IKBKB-DT: variants seen among roughly 807,000 people sequenced by gnomAD.
IKBKB-DT encodes IKBKB antisense RNA.
At chr8:42,247,870 G>A (rs1807081573) in intron 3 of IKBKB-DT, among the ~76,000 whole-genome samples, 1 of 152,070 alleles carries the variant, frequency 6.6e-6, no homozygotes, top group Non-Finnish European at 1.5e-5. Flanking sequence ...TAAGGCGGGT[G>A]GATCACAAGG....
chr8:42,236,325 A>G (rs1806921326), intron 3 of IKBKB-DT, among the ~76,000 whole-genome samples: 1 of 152,084 alleles, frequency 6.6e-6, no homozygotes, highest in East Asian at 1.9e-4. Flanking sequence ...CATGCTTCCT[A>G]TGTAATTTAA....
chr8:42,234,616 A>G (rs1017083760), intron 3 of IKBKB-DT, among the ~76,000 whole-genome samples: 1 of 151,954 alleles, frequency 6.6e-6, no homozygotes, highest in Non-Finnish European at 1.5e-5. Context: ...TACTTTATTT[A>G]TTTTATTTTA....
intron 3 of IKBKB-DT, among the ~76,000 whole-genome samples, chr8:42,256,164 C>T (rs188493044): frequency 3.9e-5 from 6 of 151,932 alleles, no homozygotes; most frequent in East Asian, 1.9e-4. Context: ...ATTCTGTTTA[C>T]GAAGGTATAA....
intron 3 of IKBKB-DT, among the ~76,000 whole-genome samples, chr8:42,240,353 A>C (rs2129904157): frequency 1.3e-5 from 2 of 152,056 alleles, no homozygotes; most frequent in South Asian, 4.1e-4. Flanking sequence ...GGCCAGGCAC[A>C]GTGGCTCACA....
At chr8:42,253,499 G>GT (rs1807155753) in intron 3 of IKBKB-DT, among the ~76,000 whole-genome samples, 1 of 152,146 alleles carries the variant, frequency 6.6e-6, no homozygotes, top group Non-Finnish European at 1.5e-5. Flanking sequence ...AGTCAGAAGG[G>GT]TTGGAAAAAA....
At chr8:42,237,447 G>C (rs1806939479) in intron 3 of IKBKB-DT, among the ~76,000 whole-genome samples, 1 of 152,142 alleles carries the variant, frequency 6.6e-6, no homozygotes, top group Admixed American at 6.5e-5. Flanking sequence ...AACTCTGAAA[G>C]GGAGGGGTAT....
At chr8:42,252,034 G>A (rs200282733) in intron 3 of IKBKB-DT, among the ~76,000 whole-genome samples, 2 of 152,136 alleles carry the variant, frequency 1.3e-5, no homozygotes, top group African/African-American at 2.4e-5. Context: ...GTGAATGCTG[G>A]CTGCTGCGCC....
intron 3 of IKBKB-DT, among the ~76,000 whole-genome samples, chr8:42,236,809 A>G (rs1220972804): frequency 6.6e-6 from 1 of 152,220 alleles, no homozygotes; most frequent in African/African-American, 2.4e-5. Flanking sequence ...TTATCCATAT[A>G]ACCAAAGTGA....
chr8:42,260,238 C>T lies in IKBKB-DT; in HGVS notation n.1529+3091G>A, dbSNP rs116763065. On this transcript the variant is annotated intron_variant and non_coding_transcript_variant, in intron 3 of 3. Coordinates refer to ENST00000518213, the Ensembl canonical transcript of IKBKB-DT. Reference sequence around the variant, plus strand: ...GGGGCTTCAGGAAGGGAGTTTCAAGCGATGGAGACATTCCCATAGGAGCTG... The same window carrying T: ...GGGGCTTCAGGAAGGGAGTTTCAAGTGATGGAGACATTCCCATAGGAGCTG... 4.9e-3 allele frequency among the ~76,000 whole-genome samples: 749 copies of T among 152,180 alleles called. 12 individuals are homozygous for T. Among genetic ancestry groups the T allele is most frequent in the African/African-American group, 0.017 (695 of 41,510 alleles).
chr8:42,257,788 G>C (rs961053783), intron 3 of IKBKB-DT, among the ~76,000 whole-genome samples: 2 of 151,798 alleles, frequency 1.3e-5, no homozygotes, highest in African/African-American at 4.8e-5. Flanking sequence ...AATTTTCAAA[G>C]GACAATTTTT....
At chr8:42,261,904 T>G (rs1371889768) in intron 3 of IKBKB-DT, among the ~76,000 whole-genome samples, 1 of 152,266 alleles carries the variant, frequency 6.6e-6, no homozygotes, top group Non-Finnish European at 1.5e-5. Flanking sequence ...GTCCCCGACC[T>G]GGCAGTTGGT....
intron 3 of IKBKB-DT, among the ~76,000 whole-genome samples, chr8:42,239,614 T>TTATATATATATATATATATA (rs113469700): frequency 0.017 from 331 of 19,854 alleles, 44 homozygotes; most frequent in East Asian, 0.1. Context: ...AAAAGGCAAT[T>TTATATATATATATATATATA]TATATATATA....
chr8:42,241,935 C>T (rs1371215287), intron 3 of IKBKB-DT, among the ~76,000 whole-genome samples: 1 of 152,168 alleles, frequency 6.6e-6, no homozygotes, highest in East Asian at 1.9e-4. Flanking sequence ...AGCAGATGGC[C>T]TGGCGTGGTG....
rs549027136 is a variant in IKBKB-DT, at chr8:42,269,404, G to C, written n.603+1247C>G. Among the ~76,000 whole-genome samples, 3 of 132,016 alleles carry C rather than the reference G, an allele frequency of 2.3e-5. No individual in the cohort carries two copies. The East Asian group carries it at 7.3e-4, about 32-fold the overall frequency. The allele number at this position is 132,016 out of a possible 152,430, so 86.6% of individuals were successfully genotyped here. ...GAAGAAAGAAAGGAAAGAAAAAAAA[G>C]AAAGCTAGCAGCTGGGAAGGGAAGG... On this transcript the variant is annotated intron_variant and non_coding_transcript_variant, in intron 1 of 3. Transcript: ENST00000518213.
At chr8:42,267,336 C>T (rs915423751) in intron 1 of IKBKB-DT, among the ~76,000 whole-genome samples, 6 of 152,104 alleles carry the variant, frequency 3.9e-5, no homozygotes, top group Non-Finnish European at 5.9e-5. Context: ...TTTACTGACT[C>T]GCCCTGAATT....
chr8:42,235,038 A>G (rs369129037), intron 3 of IKBKB-DT, among the ~76,000 whole-genome samples: 3 of 152,078 alleles, frequency 2.0e-5, no homozygotes, highest in Non-Finnish European at 4.4e-5. Flanking sequence ...CTAAATAATT[A>G]CCTGCCATTA....
intron 3 of IKBKB-DT, among the ~76,000 whole-genome samples, chr8:42,261,188 G>A (rs1807283647): frequency 6.6e-6 from 1 of 152,102 alleles, no homozygotes; most frequent in East Asian, 1.9e-4. Context: ...TTAGCTGGAT[G>A]TGCTGGTGTA....
chr8:42,268,573 A>AT lies in IKBKB-DT; in HGVS notation n.603+2077dup, dbSNP rs951678473. Among the ~76,000 whole-genome samples the AT allele has an allele frequency of 1.1e-4, 14 of 130,184 alleles. No individual in the cohort carries two copies. In the East Asian group the frequency reaches 1.2e-3, roughly 11 times the overall value. 85.4% of individuals were successfully genotyped at this position (130,184 alleles called of 152,430 possible). On this transcript the variant is annotated intron_variant and non_coding_transcript_variant, in intron 1 of 3. Coordinates refer to ENST00000518213, the Ensembl canonical transcript of IKBKB-DT. ...GGGGTGAGCCACCACACCCGGCCAA[A>AT]TTTTTTTTTTTGAGATGGAGTCTCG... is the stretch of plus-strand genomic sequence containing the variant.
Position 42,268,171 on chromosome 8 carries a change from G to C in IKBKB-DT, n.604-1775C>G, listed in dbSNP as rs1253408094. Reference sequence around the variant, plus strand: ...TTTTTTTAGATGGAGTTTTGCTCTTGTCGCCCAGGCTGGAGTGCAATGGCA... The same window carrying C: ...TTTTTTTAGATGGAGTTTTGCTCTTCTCGCCCAGGCTGGAGTGCAATGGCA... On this transcript the variant is annotated intron_variant and non_coding_transcript_variant, in intron 1 of 3. Coordinates refer to ENST00000518213, the Ensembl canonical transcript of IKBKB-DT. 2.5e-5 allele frequency among the ~76,000 whole-genome samples: 3 copies of C among 122,382 alleles called. No individual in the cohort carries two copies. In the South Asian group the frequency reaches 7.7e-4, roughly 31 times the overall value. 80.3% of individuals were successfully genotyped at this position (122,382 alleles called of 152,430 possible).
Sources: gnomAD v4.1 joint callset for allele counts (sites outside exome capture counted in the v4.1 genomes callset) on GRCh38, gnomAD v4.1.1 for gene constraint, MANE v1.5 for transcripts, NCBI Gene and HGNC (gene_info 2026-07-23, HGNC 2026-07-21) for gene names.